FAT2: variants seen among roughly 807,000 people sequenced by gnomAD.
The protein encoded by FAT2 is FAT atypical cadherin 2, also known as protocadherin Fat 2.
A neutral mutation model predicts 295.3 loss-of-function variants in FAT2; 150 were observed. The ratio of observed to expected loss-of-function variants is 0.51; its 90% CI spans 0.44 to 0.58. FAT2 has a LOEUF of 0.58. Ranked by LOEUF, FAT2 falls within the 20% of genes least tolerant of loss-of-function variation. FAT2 has a pLI of 0.00. For synonymous variants in FAT2, 2,026 were observed against 2,150.3 expected, an observed-to-expected ratio of 0.94 and a Z score of 1.60; for missense variants, 4,868 against 5,442.7, an observed-to-expected ratio of 0.89 and a Z score of 3.32.
Position 151,566,557 on chromosome 5 carries a change from A to G in FAT2, c.2375T>C (p.Val792Ala), listed in dbSNP as rs1488362415. 6.2e-7 allele frequency: 1 copy of G among 1,613,958 alleles called. No homozygotes were observed. The highest frequency in any genetic ancestry group is 8.5e-7 in the Non-Finnish European group (1 of 1,179,998). ...ATNFYILNVT[V>A]YDLGTPQKSS... Reference sequence around the variant, plus strand: ...CTTCTGGGGTGTGCCCAGGTCATATACTGTTACATTGAGGATGTAGAAATT... The same window carrying G: ...CTTCTGGGGTGTGCCCAGGTCATATGCTGTTACATTGAGGATGTAGAAATT... Residue 792 changes from valine to alanine, a missense_variant, in exon 2 of 24, where the codon GTA (valine) becomes GCA (alanine). Physicochemically the swap from Val to Ala is moderately conservative, Grantham distance 64. Around this residue, in one of 5 missense-constraint regions of FAT2, gnomAD observed 3,297 missense variants for 3,669.4 expected, o/e 0.90. Transcript: ENST00000261800.
rs372478485 is a variant in FAT2 at position 151,525,900 on chromosome 5, A to C, written c.10374T>G (p.Asn3458Lys). 1 of 1,614,176 alleles carries C rather than the reference A, an allele frequency of 6.2e-7. No homozygotes were observed. The highest frequency in any genetic ancestry group is 8.5e-7 in the Non-Finnish European group (1 of 1,180,020). The change falls in exon 18 of 24, where the codon AAT (asparagine) becomes AAG (lysine). Residue 3458 changes from asparagine to lysine, a missense_variant. By Grantham distance (94) the Asn-to-Lys change is moderately conservative. Around this residue, in one of 5 missense-constraint regions of FAT2, gnomAD observed 1,046 missense variants for 1,210.1 expected, o/e 0.86. Transcript: ENST00000261800. ...LILSDPDSPE[N>K]GPPYSFRITK... ...TGATTCGAAACGAGTAGGGGGGGCC[A>C]TTCTCTGGAGAATCTGGGTCACTCA... is the stretch of plus-strand genomic sequence containing the variant.
At chr5:151,560,650 A>G (rs769217308) in intron 3 of FAT2, among the ~76,000 whole-genome samples, 189 of 152,184 alleles carry the variant, frequency 1.2e-3, no homozygotes, top group Non-Finnish European at 1.0e-3. Flanking sequence ...TTACGATGTT[A>G]TGCCCTTTCA....
At chr5:151,525,488 G>C (rs1753888382) in intron 18 of FAT2, among the ~76,000 whole-genome samples, 1 of 152,204 alleles carries the variant, frequency 6.6e-6, no homozygotes, top group African/African-American at 2.4e-5. Context: ...GAGTGCTTGG[G>C]TTTGAAGCAA....
rs551363478 is a variant in FAT2 at position 151,519,118 on chromosome 5, C to A, written c.11318-1353G>T. On this transcript the variant is annotated intron_variant, in intron 19 of 23. Transcript: ENST00000261800. ...CAGAACTTTGGAAGGCCAAGACAGGCAGATCACCTGAGGTCAGGAGTTCGA... is the reference window on the plus strand; with the variant it reads ...CAGAACTTTGGAAGGCCAAGACAGGAAGATCACCTGAGGTCAGGAGTTCGA... 1.2e-3 allele frequency among the ~76,000 whole-genome samples: 178 copies of A among 152,336 alleles called. 1 individual carries two copies. Among genetic ancestry groups the A allele is most frequent in the African/African-American group, 4.1e-3 (169 of 41,576 alleles).
At position 151,566,306 on chromosome 5, in the gene FAT2, C is replaced by A. The variant is rs1438118145; in HGVS notation, c.2626G>T (p.Val876Phe). 6 of 1,613,968 alleles carry A rather than the reference C, an allele frequency of 3.7e-6. No individual in the cohort carries two copies. The highest frequency in any genetic ancestry group is 5.1e-6 in the Non-Finnish European group (6 of 1,180,014). The change falls in exon 2 of 24, where the codon GTT (valine) becomes TTT (phenylalanine). Residue 876 changes from valine (V) to phenylalanine (F), a missense_variant. By Grantham distance (50) the Val-to-Phe change is conservative. Around this residue, in one of 5 missense-constraint regions of FAT2, gnomAD observed 3,297 missense variants for 3,669.4 expected, o/e 0.90. Transcript: ENST00000261800. ...FSLHPLTGEL[V>F]VTGHLDRESE... is the part of the protein sequence containing the mutation. Reference sequence around the variant, plus strand: ...TCGCGGTCCAGGTGTCCTGTAACAACCAGTTCCCCAGTGAGAGGGTGGAGG... The same window carrying A: ...TCGCGGTCCAGGTGTCCTGTAACAAACAGTTCCCCAGTGAGAGGGTGGAGG...
At chr5:151,560,624 T>A (rs932061739) in intron 3 of FAT2, among the ~76,000 whole-genome samples, 3 of 151,988 alleles carry the variant, frequency 2.0e-5, no homozygotes, top group African/African-American at 7.3e-5. Context: ...GCCAGGGCAC[T>A]GTATCTACAC....
chr5:151,507,667 C>A, intron 22 of FAT2, 56 bp from the exon 23 acceptor site: 1 of 1,465,736 alleles, frequency 6.8e-7, no homozygotes, highest in Non-Finnish European at 9.2e-7. Flanking sequence ...TTCCATGTCC[C>A]CTCTTACAGA....
In FAT2 at chr5:151,545,797, A is replaced by C. The variant is rs780228380; in HGVS notation, c.5330T>G (p.Ile1777Ser). The C allele has an allele frequency of 1.2e-6, 2 of 1,614,226 alleles. No homozygotes were observed. Among genetic ancestry groups the C allele is most frequent in the Admixed American group, 3.3e-5 (2 of 60,024 alleles). ...AAAGGGGTTGTTGTTTTTATCCATG[A>C]TCATGCTATACAGTGGAGCTGCTTC... Reference protein sequence around the residue: ...ISEAAPLYSMIMDKNNNPFVI... With the variant: ...ISEAAPLYSMSMDKNNNPFVI... The change falls in exon 10 of 24, where the codon ATC becomes AGC. Residue 1777 changes from isoleucine (I) to serine (S), a missense_variant. Physicochemically the swap from Ile to Ser is moderately radical, Grantham distance 142 (BLOSUM62 -2). This residue lies in a region of FAT2 where 3,297 missense variants were observed against 3,669.4 expected (regional missense o/e 0.90). Coordinates refer to ENST00000261800, the MANE Select transcript of FAT2 (RefSeq NM_001447.3).
chr5:151,506,256 A>G (rs1760863958), intron 23 of FAT2, among the ~76,000 whole-genome samples, 159 bp from the exon 24 acceptor site: 1 of 152,248 alleles, frequency 6.6e-6, no homozygotes, highest in Non-Finnish European at 1.5e-5. Context: ...CGTTGATAAC[A>G]TAGAATCCAA....
In FAT2 at chr5:151,506,002, G is replaced by A; in HGVS notation, c.12613C>T (p.Pro4205Ser). Residue 4205 changes from proline to serine, a missense_variant, in exon 24 of 24, where the codon CCC becomes TCC. Coordinates refer to ENST00000261800, the MANE Select transcript of FAT2 (RefSeq NM_001447.3). ...HSEVTQGPLP[P>S]SAHRHSTPVV... Reference sequence around the variant, plus strand: ...GGGGTTGAGTGGCGGTGAGCCGAGGGCGGCAGAGGGCCCTGAGTCACTTCG... The same window carrying A: ...GGGGTTGAGTGGCGGTGAGCCGAGGACGGCAGAGGGCCCTGAGTCACTTCG... 9.5e-6 allele frequency: 15 copies of A among 1,575,336 alleles called. No individual in the cohort carries two copies. The highest frequency in any genetic ancestry group is 1.3e-5 in the Non-Finnish European group (15 of 1,164,168).
Position 151,545,614 on chromosome 5 carries a change from A to T in FAT2, c.5513T>A (p.Phe1838Tyr), listed in dbSNP as rs1279421018. Reference sequence around the variant, plus strand: ...TCCTTGGTCATGGACATAGACACAGAATTGGAAAGAGGGCATGCTCTCATA... The same window carrying T: ...TCCTTGGTCATGGACATAGACACAGTATTGGAAAGAGGGCATGCTCTCATA... ...MDYESMPSFQ[F>Y]CVYVHDQGSP... is the part of the protein sequence containing the mutation. Residue 1838 changes from phenylalanine (F) to tyrosine (Y), a missense_variant, in exon 10 of 24, where the codon TTC (phenylalanine) becomes TAC (tyrosine). Around this residue, in one of 5 missense-constraint regions of FAT2, gnomAD observed 3,297 missense variants for 3,669.4 expected, o/e 0.90. Coordinates refer to ENST00000261800, the MANE Select transcript of FAT2 (RefSeq NM_001447.3). 1 of 1,614,004 alleles carries T rather than the reference A, an allele frequency of 6.2e-7. No individual in the cohort carries two copies. Among genetic ancestry groups the T allele is most frequent in the Non-Finnish European group, 8.5e-7 (1 of 1,179,978 alleles).
Position 151,546,100 on chromosome 5 carries a change from C to T in FAT2, c.5027G>A (p.Gly1676Asp), listed in dbSNP as rs1166194320. ...AGCAGAGACAAGGAGGATTGGGGAA[C>T]CAACAGGGATTGATTCAGGGATCTC... The part of the protein sequence containing the change: ...FVEIPESIPV[G>D]SPILLVSAMS... Residue 1676 changes from glycine to aspartate, a missense_variant, in exon 10 of 24, where the codon GGT (glycine) becomes GAT (aspartate). This residue lies in a region of FAT2 where 3,297 missense variants were observed against 3,669.4 expected (regional missense o/e 0.90). Coordinates refer to ENST00000261800, the MANE Select transcript of FAT2 (RefSeq NM_001447.3). The T allele has an allele frequency of 3.7e-6, 6 of 1,613,992 alleles. No individual in the cohort carries two copies. Among genetic ancestry groups the T allele is most frequent in the Non-Finnish European group, 5.1e-6 (6 of 1,180,034 alleles).
chr5:151,580,921 G>C (rs1758929384), intron 1 of FAT2, among the ~76,000 whole-genome samples: 1 of 152,170 alleles, frequency 6.6e-6, no homozygotes, highest in African/African-American at 2.4e-5. Context: ...GGATCCAGCA[G>C]GCCCTGTGGC....
rs758404210 is a variant in FAT2, at chr5:151,554,438, G to T, written c.3869C>A (p.Ala1290Asp). Residue 1290 changes from alanine (A) to aspartate (D), a missense_variant, in exon 5 of 24, where the codon GCC becomes GAC. By Grantham distance (126) the Ala-to-Asp change is moderately radical. Transcript: ENST00000261800. ...ACCTGTGACCAGGTCGATACTGAAG[G>T]CCTCCTCATCGCTGTCCTCGATACT... is the stretch of plus-strand genomic sequence containing the variant. ...TYSIEDSDEEAFSIDLVTGVV... is the reference protein window; with the variant it reads ...TYSIEDSDEEDFSIDLVTGVV... 1 of 1,614,196 alleles carries T rather than the reference G, an allele frequency of 6.2e-7. No individual in the cohort carries two copies. The highest frequency in any genetic ancestry group is 8.5e-7 in the Non-Finnish European group (1 of 1,180,034).
At position 151,545,272 on chromosome 5, in the gene FAT2, G is replaced by C. The variant is rs753281720; in HGVS notation, c.5855C>G (p.Ala1952Gly). 4.3e-6 allele frequency: 7 copies of C among 1,614,074 alleles called. No individual in the cohort carries two copies. The highest frequency in any genetic ancestry group is 5.9e-6 in the Non-Finnish European group (7 of 1,180,016). The change falls in exon 10 of 24, where the codon GCG becomes GGG. Residue 1952 changes from alanine to glycine, a missense_variant. By Grantham distance (60) the Ala-to-Gly change is moderately conservative (BLOSUM62 0). Around this residue, in one of 5 missense-constraint regions of FAT2, gnomAD observed 3,297 missense variants for 3,669.4 expected, o/e 0.90. Coordinates refer to ENST00000261800, the MANE Select transcript of FAT2 (RefSeq NM_001447.3). ...RASDGLYQDT[A>G]LVKISLTQVL... ...TTGGGTCAAAGAAATTTTTACCAGC[G>C]CAGTGTCTTGATACAAGCCATCAGA...
At chr5:151,553,480 T>C in intron 5 of FAT2, 93 bp from the exon 6 acceptor site, 1 of 1,115,270 alleles carries the variant, frequency 9.0e-7, no homozygotes, top group Non-Finnish European at 1.3e-6. Context: ...CCTGTGATTC[T>C]GACCAAGCAG....
intron 1 of FAT2, among the ~76,000 whole-genome samples, chr5:151,590,360 T>TC (rs1456261829): frequency 6.6e-6 from 1 of 152,198 alleles, no homozygotes; most frequent in East Asian, 1.9e-4. Context: ...GCCTCACTGC[T>TC]CCCCATGCTG....
chr5:151,566,005 A>G lies in FAT2; in HGVS notation c.2927T>C (p.Leu976Pro). The change falls in exon 2 of 24, where the codon CTG (leucine) becomes CCG (proline). Residue 976 changes from leucine to proline, a missense_variant. Around this residue, in one of 5 missense-constraint regions of FAT2, gnomAD observed 3,297 missense variants for 3,669.4 expected, o/e 0.90. Coordinates refer to ENST00000261800, the MANE Select transcript of FAT2 (RefSeq NM_001447.3). ...CTCCAGAATGAGCGCCCCTGTCATC[A>G]GGTCCACCCGGAAGGTCCCATGGGC... ...DGAHGTFRVDLMTGALILERE... is the reference protein window; with the variant it reads ...DGAHGTFRVDPMTGALILERE... 6.2e-7 allele frequency: 1 copy of G among 1,614,092 alleles called. No individual in the cohort carries two copies. Among genetic ancestry groups the G allele is most frequent in the Non-Finnish European group, 8.5e-7 (1 of 1,180,016 alleles).
In FAT2 at chr5:151,567,870, AGGT is replaced by A. The variant is rs750345904; in HGVS notation, c.1059_1061del (p.Pro354del). On this transcript the variant is annotated inframe_deletion, in exon 2 of 24. Transcript: ENST00000261800. ...CGAATTTGAGGGAAGACAGTTTGGA[AGGT>A]GGTAGGTGAAAGCCCCTGATCTGGG... is the stretch of plus-strand genomic sequence containing the variant. The A allele has an allele frequency of 6.2e-7, 1 of 1,614,146 alleles. No homozygotes were observed. The highest frequency in any genetic ancestry group is 8.5e-7 in the Non-Finnish European group (1 of 1,180,020).
Sources: gnomAD v4.1 joint callset for allele counts (sites outside exome capture counted in the v4.1 genomes callset) on GRCh38, gnomAD v4.1.1 for gene constraint, gnomAD v4.1.1 regional missense constraint, MANE v1.5 for transcripts, NCBI Gene and HGNC (gene_info 2026-07-23, HGNC 2026-07-21) for gene names.